The following PAH variants were observed in gnomAD, a reference collection of about 807,000 sequenced individuals.
The protein encoded by PAH is phenylalanine hydroxylase.
A neutral mutation model predicts 62.0 loss-of-function variants in PAH; 64 were observed. The observed-to-expected ratio is 1.03, with a 90% CI of 0.84 to 1.27. The LOEUF is 1.27. Ranked by LOEUF, PAH falls within the 50% of genes most tolerant of loss-of-function variation. The pLI, the probability that PAH is intolerant of heterozygous loss-of-function variation, is 0.00. For synonymous variants in PAH, 195 were observed against 196.2 expected (o/e 0.99, Z 0.05); for missense variants, 579 against 542.8 (o/e 1.07, Z -0.66).
chr12:102,931,959 C>T (rs1271196796), intron 1 of PAH, among the ~76,000 whole-genome samples: 6 of 152,138 alleles, frequency 3.9e-5, no homozygotes, highest in Admixed American at 1.3e-4. Flanking sequence ...CCCTGCCATC[C>T]TGGGGCTTAC....
intron 2 of PAH, among the ~76,000 whole-genome samples, chr12:102,912,028 G>A (rs181145713): frequency 4.6e-5 from 7 of 152,254 alleles, no homozygotes; most frequent in African/African-American, 1.2e-4. Flanking sequence ...CCAAATCAAC[G>A]TTTCCTAAAC....
intron 6 of PAH, chr12:102,853,312 T>C (rs1875262880): frequency 5.9e-6 from 2 of 336,940 alleles, no homozygotes; most frequent in African/African-American, 4.3e-5. Context: ...AATGATTCCC[T>C]ACTTCTCCTG....
rs1305077587 is a variant in PAH, at chr12:102,837,329, A to G, written c.*1846T>C. ...ATTAAAACATCTTTACTGGACTAAA[A>G]CTCACTCTTCAATATTGTCAAAAAT... is the stretch of plus-strand genomic sequence containing the variant. On this transcript the variant is annotated 3_prime_UTR_variant, in exon 13 of 13. Transcript: ENST00000553106. The G allele has an allele frequency of 6.6e-6, 1 of 152,318 alleles. No homozygotes were observed. The highest frequency in any genetic ancestry group is 2.4e-5 in the African/African-American group (1 of 41,578). The allele number at this position is 152,318 out of a possible 1,614,324, so 9.4% of individuals were successfully genotyped here.
chr12:102,954,305 G>A (rs1264770315), upstream of PAH, among the ~76,000 whole-genome samples: 2 of 152,250 alleles, frequency 1.3e-5, no homozygotes, highest in African/African-American at 4.8e-5. Context: ...TGCTGGGACA[G>A]TGAGACAGAG....
chr12:102,907,145 A>G (rs980454168), intron 2 of PAH, among the ~76,000 whole-genome samples: 2 of 152,250 alleles, frequency 1.3e-5, no homozygotes, highest in Non-Finnish European at 2.9e-5. Context: ...TTGATAATAG[A>G]TGGAAGGAAT....
At chr12:102,944,858 T>C (rs1879431681) in intron 1 of PAH, among the ~76,000 whole-genome samples, 1 of 152,224 alleles carries the variant, frequency 6.6e-6, no homozygotes, top group Non-Finnish European at 1.5e-5. Context: ...GTGTTTTATA[T>C]AGTTCTCACC....
intron 3 of PAH, among the ~76,000 whole-genome samples, chr12:102,892,238 T>G (rs1877307793): frequency 6.6e-6 from 1 of 152,212 alleles, no homozygotes; most frequent in Non-Finnish European, 1.5e-5. Flanking sequence ...TTAAAAAATG[T>G]TTCAGTGGCC....
At chr12:102,894,251 T>C (rs917085722) in intron 3 of PAH, among the ~76,000 whole-genome samples, 8 of 152,206 alleles carry the variant, frequency 5.3e-5, no homozygotes, top group Non-Finnish European at 1.2e-4. Context: ...AATTAGATAC[T>C]ACTTATTGGG....
In PAH at chr12:102,855,325, G is replaced by A; in HGVS notation, c.517C>T (p.Pro173Ser). Residue 173 changes from proline to serine, a missense_variant, in exon 6 of 13, where the codon CCC (proline) becomes TCC (serine). By Grantham distance (74) the Pro-to-Ser change is moderately conservative (BLOSUM62 -1). Transcript: ENST00000553106. ...DIAYNYRHGQ[P>S]IPRVEYMEEE... The stretch of plus-strand genomic sequence containing the variant: ...TCCATGTATTCCACTCGAGGGATGG[G>A]CTGCCCACTAGAATACAGGCACAAA... 2 of 1,613,952 alleles carry A rather than the reference G, an allele frequency of 1.2e-6. No individual in the cohort carries two copies. Among genetic ancestry groups the A allele is most frequent in the Non-Finnish European group, 1.7e-6 (2 of 1,179,910 alleles).
chr12:102,957,995 A>C lies in PAH; in HGVS notation c.-96+200T>G, dbSNP rs913812660. The stretch of plus-strand genomic sequence containing the variant: ...GCTCCCGAAGCCAACCCGCGAAGGG[A>C]GGAGGGGAGGGAGGAGGAGGCGGCG... On this transcript the variant is annotated intron_variant, in intron 1 of 4. Coordinates refer to the PAH transcript ENST00000551337. The surrounding 1 kb of genome is among the most constrained non-coding windows in gnomAD (Gnocchi z 4.1). 5 of 340,620 alleles carry C rather than the reference A, an allele frequency of 1.5e-5. No homozygotes were observed. The highest frequency in any genetic ancestry group is 8.6e-5 in the African/African-American group (4 of 46,756). The allele number at this position is 340,620 out of a possible 1,614,324, so 21.1% of individuals were successfully genotyped here.
chr12:102,899,233 A>G (rs1877635214), intron 2 of PAH, among the ~76,000 whole-genome samples: 1 of 152,182 alleles, frequency 6.6e-6, no homozygotes, highest in Non-Finnish European at 1.5e-5. Flanking sequence ...AGCAAATCCA[A>G]GAACCGAGAA....
chr12:102,956,686 T>C (rs1244500771), intron 1 of PAH, among the ~76,000 whole-genome samples: 1 of 151,948 alleles, frequency 6.6e-6, no homozygotes, highest in Non-Finnish European at 1.5e-5. Context: ...CTTTATGATA[T>C]CCGCTAAGCT....
At chr12:102,899,720 G>A (rs1197445887) in intron 2 of PAH, among the ~76,000 whole-genome samples, 1 of 148,570 alleles carries the variant, frequency 6.7e-6, no homozygotes, top group African/African-American at 2.5e-5. Flanking sequence ...TTAGCCGGGC[G>A]TAGTGGCGGG....
chr12:102,855,442 T>G, intron 5 of PAH, 110 bp from the exon 6 acceptor site: 1 of 771,678 alleles, frequency 1.3e-6, no homozygotes, highest in Non-Finnish European at 2.3e-6. Context: ...TGCCATCACT[T>G]GCTACAGTGA....
chr12:102,929,203 C>T (rs149885749), intron 1 of PAH, among the ~76,000 whole-genome samples: 3 of 152,198 alleles, frequency 2.0e-5, no homozygotes, highest in Admixed American at 6.5e-5. Flanking sequence ...ATTAATTACC[C>T]GGTCTTGGGT....
chr12:102,895,877 T>C (rs1262441666), intron 2 of PAH, among the ~76,000 whole-genome samples: 1 of 145,362 alleles, frequency 6.9e-6, no homozygotes, highest in Non-Finnish European at 1.5e-5. Context: ...AAAATATATA[T>C]ATATATATAT....
intron 2 of PAH, among the ~76,000 whole-genome samples, chr12:102,911,997 G>A (rs1184125926): frequency 2.0e-5 from 3 of 152,236 alleles, no homozygotes; most frequent in Non-Finnish European, 4.4e-5. Flanking sequence ...GTTCTGTGAA[G>A]TTTGGCTGCC....
At chr12:102,878,965 T>C (rs764184459) in intron 3 of PAH, among the ~76,000 whole-genome samples, 1 of 152,058 alleles carries the variant, frequency 6.6e-6, no homozygotes, top group African/African-American at 2.4e-5. Context: ...AGAGCCAAAA[T>C]AGACGTGGTG....
intron 4 of PAH, among the ~76,000 whole-genome samples, chr12:102,876,565 G>A (rs950999023): frequency 2.6e-5 from 4 of 152,212 alleles, no homozygotes; most frequent in Non-Finnish European, 4.4e-5. Flanking sequence ...CTTCCTCTGC[G>A]TTCTGCTCAA....
Sources: allele counts gnomAD v4.1 joint callset (sites outside exome capture counted in the v4.1 genomes callset), GRCh38; gene constraint gnomAD v4.1.1; non-coding constraint Gnocchi (gnomAD v3.1); transcripts MANE v1.5; gene names NCBI Gene and HGNC (gene_info 2026-07-23, HGNC 2026-07-21).